The following IQCJ variants were observed in gnomAD, a reference collection of about 807,000 sequenced individuals.
IQCJ encodes IQ motif containing J.
Under a neutral mutation model 11.0 loss-of-function variants are expected in IQCJ, and 9 were observed. The ratio of observed to expected loss-of-function variants is 0.82; its 90% CI spans 0.49 to 1.43. The LOEUF is 1.43. Among genes scored for constraint, IQCJ ranks in the 40% most tolerant of loss-of-function variants. The pLI is 0.00. For synonymous variants in IQCJ, 55 were observed against 51.3 expected (o/e 1.07, Z -0.31); for missense variants, 146 against 133.2 (o/e 1.10, Z -0.47).
chr3:159,228,918 A>G (rs934878173), intron 1 of IQCJ, among the ~76,000 whole-genome samples: 4 of 152,256 alleles, frequency 2.6e-5, no homozygotes, highest in Non-Finnish European at 4.4e-5. Context: ...CTATAGAAGA[A>G]AGACTTAATC....
intron 1 of IQCJ, among the ~76,000 whole-genome samples, chr3:159,192,182 G>A (rs549064189): frequency 2.1e-4 from 32 of 152,250 alleles, no homozygotes; most frequent in African/African-American, 7.5e-4. Flanking sequence ...CAGAATTTTG[G>A]CTTCTTTAGG....
At chr3:159,218,338 T>C (rs1026793360) in intron 1 of IQCJ, among the ~76,000 whole-genome samples, 1 of 127,440 alleles carries the variant, frequency 7.8e-6, no homozygotes, top group African/African-American at 3.0e-5. Flanking sequence ...ATAGAGTCCC[T>C]CTTTGTGTGT....
intron 1 of IQCJ, among the ~76,000 whole-genome samples, chr3:159,139,053 C>G (rs1227236465): frequency 1.3e-5 from 2 of 152,098 alleles, no homozygotes; most frequent in Non-Finnish European, 2.9e-5. Flanking sequence ...CCTAAAGAAG[C>G]CAAACTAACA....
At chr3:159,106,281 G>A (rs1037529287) in intron 1 of IQCJ, among the ~76,000 whole-genome samples, 1 of 152,162 alleles carries the variant, frequency 6.6e-6, no homozygotes, top group Non-Finnish European at 1.5e-5. Flanking sequence ...CAAGTAGGAA[G>A]TTAGAATAAT....
At chr3:159,217,917 C>A (rs1340281009) in intron 1 of IQCJ, among the ~76,000 whole-genome samples, 1 of 152,080 alleles carries the variant, frequency 6.6e-6, no homozygotes, top group Non-Finnish European at 1.5e-5. Context: ...ATTTTCTTAC[C>A]TGAATCTCCC....
At chr3:159,175,024 A>G (rs1722695793) in intron 1 of IQCJ, among the ~76,000 whole-genome samples, 1 of 152,178 alleles carries the variant, frequency 6.6e-6, no homozygotes, top group African/African-American at 2.4e-5. Context: ...TAGAATTGCC[A>G]TTATTTATGT....
intron 1 of IQCJ, among the ~76,000 whole-genome samples, chr3:159,087,754 C>A (rs61795969): frequency 1.3e-5 from 2 of 149,950 alleles, no homozygotes; most frequent in Non-Finnish European, 3.0e-5. Context: ...TCTGTGGGAT[C>A]GGTGGTGATA....
chr3:159,102,145 T>C (rs1445171175), intron 1 of IQCJ, among the ~76,000 whole-genome samples: 2 of 152,220 alleles, frequency 1.3e-5, no homozygotes. Flanking sequence ...GGACTTTGAG[T>C]GCTGTACATC....
intron 1 of IQCJ, among the ~76,000 whole-genome samples, chr3:159,075,903 A>C (rs1715879716): frequency 1.3e-5 from 2 of 152,098 alleles, no homozygotes; most frequent in African/African-American, 4.8e-5. Flanking sequence ...GAGCTCTTAG[A>C]CATTGAGCTG....
At chr3:159,086,054 A>G (rs1298024152) in intron 1 of IQCJ, among the ~76,000 whole-genome samples, 2 of 152,224 alleles carry the variant, frequency 1.3e-5, no homozygotes, top group Non-Finnish European at 2.9e-5. Context: ...TTTTAGATCT[A>G]ACATTTAAGC....
chr3:159,237,026 T>G (rs1401366478), intron 1 of IQCJ, among the ~76,000 whole-genome samples: 1 of 152,230 alleles, frequency 6.6e-6, no homozygotes, highest in Non-Finnish European at 1.5e-5. Flanking sequence ...TGGCACAGGT[T>G]TTGTCACCCA....
At chr3:159,225,238 C>G (rs368771965) in intron 1 of IQCJ, among the ~76,000 whole-genome samples, 3 of 152,190 alleles carry the variant, frequency 2.0e-5, no homozygotes, top group African/African-American at 7.2e-5. Flanking sequence ...TTCATACACA[C>G]GAAGTGAATG....
At chr3:159,170,867 T>G (rs1722450587) in intron 1 of IQCJ, among the ~76,000 whole-genome samples, 1 of 152,202 alleles carries the variant, frequency 6.6e-6, no homozygotes, top group Non-Finnish European at 1.5e-5. Flanking sequence ...CATCTGTCAT[T>G]TTAGTTTCAT....
intron 1 of IQCJ, among the ~76,000 whole-genome samples, chr3:159,078,545 C>T (rs571527095): frequency 6.6e-6 from 1 of 151,196 alleles, no homozygotes; most frequent in Non-Finnish European, 1.5e-5. Flanking sequence ...GCCCACCCGC[C>T]CCCCGCCTTT....
intron 1 of IQCJ, among the ~76,000 whole-genome samples, chr3:159,223,570 G>T (rs930868089): frequency 1.3e-5 from 2 of 152,014 alleles, no homozygotes; most frequent in Non-Finnish European, 2.9e-5. Flanking sequence ...TTAAAAAAAG[G>T]CTTAGTTAAA....
At chr3:159,159,454 C>T (rs766443652) in intron 1 of IQCJ, among the ~76,000 whole-genome samples, 28 of 152,196 alleles carry the variant, frequency 1.8e-4, no homozygotes, top group Admixed American at 4.6e-4. Flanking sequence ...GCATCAAGCA[C>T]ACAGAAAATT....
At chr3:159,233,455 G>T (rs1310517788) in intron 1 of IQCJ, among the ~76,000 whole-genome samples, 1 of 152,210 alleles carries the variant, frequency 6.6e-6, no homozygotes, top group Non-Finnish European at 1.5e-5. Flanking sequence ...GAAATGGGTT[G>T]AGAGTGAGCC....
chr3:159,145,677 T>G (rs759233272), intron 1 of IQCJ, among the ~76,000 whole-genome samples: 13 of 152,158 alleles, frequency 8.5e-5, no homozygotes, highest in Non-Finnish European at 1.6e-4. Flanking sequence ...TATTTTTTCA[T>G]CTCTCCAACT....
At chr3:159,088,829 G>T (rs1336298761) in intron 1 of IQCJ, among the ~76,000 whole-genome samples, 1 of 152,006 alleles carries the variant, frequency 6.6e-6, no homozygotes, top group African/African-American at 2.4e-5. Flanking sequence ...ACGTGAGATG[G>T]GTTTCCTGAA....
Sources: gnomAD v4.1 joint callset for allele counts (sites outside exome capture counted in the v4.1 genomes callset) on GRCh38, gnomAD v4.1.1 for gene constraint, MANE v1.5 for transcripts, NCBI Gene and HGNC (gene_info 2026-07-23, HGNC 2026-07-21) for gene names.